The following TOGARAM1 variants were observed in gnomAD, a reference collection of about 807,000 sequenced individuals.
The protein encoded by TOGARAM1 is TOG array regulator of axonemal microtubules protein 1.
Under a neutral mutation model 166.6 loss-of-function variants are expected in TOGARAM1, and 100 were observed. That is an observed-to-expected ratio of 0.60 (90% CI 0.51 to 0.71). The LOEUF is 0.71. TOGARAM1 is among the 30% of genes least tolerant of loss of function. The pLI, the probability that TOGARAM1 is intolerant of heterozygous loss-of-function variation, is 0.00. For synonymous variants in TOGARAM1, 758 were observed against 763.8 expected (o/e 0.99, Z 0.13); for missense variants, 2,029 against 2,102.7 (o/e 0.96, Z 0.69).
Position 45,073,432 on chromosome 14 carries a change from A to G in TOGARAM1, c.5193A>G (p.Thr1731=), listed in dbSNP as rs147901468. The G allele has an allele frequency of 4.0e-5, 65 of 1,614,092 alleles. No individual in the cohort carries two copies. Among genetic ancestry groups the G allele is most frequent in the Middle Eastern group, 1.6e-4 (1 of 6,084 alleles). Residue 1731 remains threonine (T), a synonymous_variant, in exon 20 of 20, where the codon ACA becomes ACG. Transcript: ENST00000361462. ...PGAGGNIRTA[T]AKLSKALFAQ... ...CTGGAGGAAATATACGAACAGCCAC[A>G]GCTAAATTATCAAAAGCACTCTTTG...
In TOGARAM1 at chr14:44,964,331, A is replaced by T. The variant is rs775470225; in HGVS notation, c.1910A>T (p.Tyr637Phe). 1.9e-6 allele frequency: 3 copies of T among 1,614,200 alleles called. No individual in the cohort carries two copies. The highest frequency in any genetic ancestry group is 2.5e-6 in the Non-Finnish European group (3 of 1,180,036). ...CACGTGAGGGATAGCATGCACATTT[A>T]TGGATCTTACAGCCCAACTATCTGT... ...GDHVRDSMHI[Y>F]GSYSPTICTR... Residue 637 changes from tyrosine to phenylalanine, a missense_variant, in exon 1 of 20, where the codon TAT becomes TTT. By Grantham distance (22) the Tyr-to-Phe change is conservative. Around this residue, in one of 2 missense-constraint regions of TOGARAM1, gnomAD observed 1,453 missense variants for 1,432.2 expected, o/e 1.01. Transcript: ENST00000361462.
chr14:45,045,774 A>C (rs2138957759), intron 13 of TOGARAM1, among the ~76,000 whole-genome samples: 1 of 143,904 alleles, frequency 6.9e-6, no homozygotes, highest in South Asian at 2.2e-4. Context: ...TATATAAAAC[A>C]TTTTCTTTAT....
rs546857039 is a variant in TOGARAM1 at position 44,975,314 on chromosome 14, G to C, written c.2046+10847G>C. Among the ~76,000 whole-genome samples the C allele has an allele frequency of 5.9e-5, 9 of 152,252 alleles. No individual in the cohort carries two copies. The East Asian group carries it at 1.5e-3, about 26-fold the overall frequency. ...TGAGTTGAAGCAAGTTTTATTTTCT[G>C]TTAGAGGGAATAGCTATGTCTAATA... On this transcript the variant is annotated intron_variant, in intron 1 of 19. Transcript: ENST00000361462.
intron 3 of TOGARAM1, among the ~76,000 whole-genome samples, chr14:45,002,871 C>T (rs547677622): frequency 1.4e-4 from 21 of 152,062 alleles, no homozygotes; most frequent in Admixed American, 4.6e-4. Context: ...CCCAGCTACT[C>T]GGGAGGCTGA....
At chr14:45,012,157 A>C (rs1260318550) in intron 7 of TOGARAM1, 82 bp downstream of exon 7, 3 of 926,542 alleles carry the variant, frequency 3.2e-6, no homozygotes, top group Non-Finnish European at 4.8e-6. Flanking sequence ...TGCATTTCAG[A>C]TTTCATGTTG....
At chr14:44,997,802 C>CAA (rs887579167) in intron 2 of TOGARAM1, among the ~76,000 whole-genome samples, 1 of 126,292 alleles carries the variant, frequency 7.9e-6, no homozygotes, top group Non-Finnish European at 1.7e-5. Flanking sequence ...GACTCCGTCT[C>CAA]AAAAAAAAAA....
intron 1 of TOGARAM1, among the ~76,000 whole-genome samples, chr14:44,964,683 GAC>G (rs1311886147): frequency 6.6e-6 from 1 of 150,420 alleles, no homozygotes; most frequent in African/African-American, 2.5e-5. Context: ...TTAAATTTGA[GAC>G]ACATGTGATA....
At chr14:45,064,286 A>T (rs572651099) in intron 16 of TOGARAM1, among the ~76,000 whole-genome samples, 3 of 152,142 alleles carry the variant, frequency 2.0e-5, no homozygotes, top group East Asian at 3.9e-4. Flanking sequence ...TTAATTAAAA[A>T]ATATATTTTT....
In TOGARAM1 at chr14:45,009,024, A is replaced by G. The variant is rs1403560891; in HGVS notation, c.3016A>G (p.Thr1006Ala). ...SPDSAMKLDL[T>A]MDSPSLSSSP... ...TGATTCTGCAATGAAGCTCGACTTG[A>G]CGATGGACTCCCCGTCTCTGTCTTC... The change falls in exon 6 of 20, where the codon ACG becomes GCG. Residue 1006 changes from threonine to alanine, a missense_variant. Physicochemically the swap from Thr to Ala is moderately conservative, Grantham distance 58 (BLOSUM62 0). Transcript: ENST00000361462. 6.2e-7 allele frequency: 1 copy of G among 1,614,046 alleles called. No individual in the cohort carries two copies. Among genetic ancestry groups the G allele is most frequent in the African/African-American group, 1.3e-5 (1 of 74,932 alleles).
In TOGARAM1 at chr14:44,963,061, G is replaced by A; in HGVS notation, c.640G>A (p.Val214Met). 4 of 1,614,156 alleles carry A rather than the reference G, an allele frequency of 2.5e-6. No homozygotes were observed. Among genetic ancestry groups the A allele is most frequent in the South Asian group, 2.2e-5 (2 of 91,080 alleles). The change falls in exon 1 of 20, where the codon GTG (valine) becomes ATG (methionine). Residue 214 changes from valine (V) to methionine (M), a missense_variant. Val to Met is a conservative substitution (Grantham distance 21). This residue lies in a region of TOGARAM1 where 1,453 missense variants were observed against 1,432.2 expected (regional missense o/e 1.01). Transcript: ENST00000361462. ...ATGTCTGAAACGTAGTCCTGGAGAG[G>A]TGCTGAGAACGCTTATACAACAAGG... The part of the protein sequence containing the change: ...HICLKRSPGE[V>M]LRTLIQQGLE...
In TOGARAM1 at chr14:45,019,182, T is replaced by C. The variant is rs1297569435; in HGVS notation, c.3239-6601T>C. 2.0e-5 allele frequency among the ~76,000 whole-genome samples: 3 copies of C among 152,326 alleles called. No homozygotes were observed. The East Asian group carries it at 5.8e-4, about 29-fold the overall frequency. On this transcript the variant is annotated intron_variant, in intron 7 of 19. Coordinates refer to ENST00000361462, the MANE Select transcript of TOGARAM1 (RefSeq NM_001308120.2). ...AAAGCTTTACAGTCATTTTTGTCTC[T>C]TTACCTTCCAAGTTTAGGAGGTGGC...
At chr14:45,072,674 C>T (rs919275776) in intron 19 of TOGARAM1, among the ~76,000 whole-genome samples, 4 of 152,106 alleles carry the variant, frequency 2.6e-5, no homozygotes, top group Non-Finnish European at 5.9e-5. Flanking sequence ...ATCCACCCAC[C>T]TCGGCCTCTC....
chr14:45,035,581 A>G (rs957955155), intron 11 of TOGARAM1, among the ~76,000 whole-genome samples: 2 of 152,136 alleles, frequency 1.3e-5, no homozygotes, highest in Non-Finnish European at 2.9e-5. Context: ...TGAACACCAA[A>G]CACAAGAAAC....
At chr14:45,005,894 A>G (rs2138844157) in intron 4 of TOGARAM1, 114 bp from the exon 5 acceptor site, 1 of 798,796 alleles carries the variant, frequency 1.3e-6, no homozygotes, top group East Asian at 2.7e-5. Context: ...CCCAGTGACC[A>G]GCTATAATGT....
chr14:45,045,613 G>GTATATATA (rs1881994900), intron 13 of TOGARAM1, among the ~76,000 whole-genome samples: 1 of 74,458 alleles, frequency 1.3e-5, no homozygotes. Flanking sequence ...GTGTGTGTGT[G>GTATATATA]TGTGTATATA....
intron 7 of TOGARAM1, 195 bp from the exon 8 acceptor site, chr14:45,025,588 A>C: frequency 2.4e-6 from 1 of 422,504 alleles, no homozygotes; most frequent in African/African-American, 2.1e-5. Context: ...AAGGAAAGGA[A>C]GGTTTAAGTG....
chr14:44,997,687 C>T (rs1470845061), intron 2 of TOGARAM1, among the ~76,000 whole-genome samples: 2 of 151,886 alleles, frequency 1.3e-5, no homozygotes, highest in East Asian at 3.9e-4. Flanking sequence ...CTTCAACATA[C>T]CCATCTTTAT....
At chr14:44,995,470 C>T (rs1306555120) in intron 1 of TOGARAM1, 7 of 482,772 alleles carry the variant, frequency 1.4e-5, no homozygotes, top group Non-Finnish European at 2.5e-5. Flanking sequence ...TTTGTATTCT[C>T]TCCTTCCTTG....
intron 7 of TOGARAM1, among the ~76,000 whole-genome samples, chr14:45,016,435 A>T (rs1378722780): frequency 6.6e-6 from 1 of 152,226 alleles, no homozygotes; most frequent in Non-Finnish European, 1.5e-5. Context: ...TAATCCTGGC[A>T]CTTTGGGAGG....
Sources: gnomAD v4.1 joint callset for allele counts (sites outside exome capture counted in the v4.1 genomes callset) on GRCh38, gnomAD v4.1.1 for gene constraint, gnomAD v4.1.1 regional missense constraint, MANE v1.5 for transcripts, NCBI Gene and HGNC (gene_info 2026-07-23, HGNC 2026-07-21) for gene names.